Variants in DIPK1A observed in about 807,000 individuals in gnomAD.
DIPK1A encodes family with sequence similarity 69 member A.
DIPK1A carries 27 observed loss-of-function variants against 40.8 expected under a neutral mutation model. The ratio of observed to expected loss-of-function variants is 0.66; its 90% CI spans 0.49 to 0.91. The LOEUF (loss-of-function observed/expected upper bound fraction) is 0.91. Among genes scored for constraint, DIPK1A ranks in the 40% least tolerant of loss-of-function variants. The probability of loss-of-function intolerance (pLI) is 0.00; values close to 1 mark genes in which losing one functional copy is unlikely to be tolerated. For missense variants in DIPK1A, 412 were observed against 505.7 expected, an observed-to-expected ratio of 0.81 and a Z score of 1.78; for synonymous variants, 166 against 171.3, an observed-to-expected ratio of 0.97 and a Z score of 0.24.
intron 2 of DIPK1A, among the ~76,000 whole-genome samples, chr1:92,851,542 CAA>C (rs59664439): frequency 1.0e-3 from 35 of 34,780 alleles, no homozygotes; most frequent in African/African-American, 3.9e-3. Flanking sequence ...GACCCTATCT[CAA>C]AAAAAAAAAA....
intron 1 of DIPK1A, among the ~76,000 whole-genome samples, chr1:92,884,689 T>C (rs1432320114): frequency 6.6e-6 from 1 of 152,190 alleles, no homozygotes; most frequent in Non-Finnish European, 1.5e-5. Context: ...GAATCCTAAT[T>C]GGCACTTAAA....
chr1:92,851,901 T>C (rs1000619040), intron 2 of DIPK1A, among the ~76,000 whole-genome samples: 2 of 152,204 alleles, frequency 1.3e-5, no homozygotes, highest in African/African-American at 4.8e-5. Flanking sequence ...CTGTGGGAAC[T>C]TCCCAGAACT....
chr1:92,956,728 T>A (rs1651870456), intron 1 of DIPK1A, among the ~76,000 whole-genome samples: 1 of 152,192 alleles, frequency 6.6e-6, no homozygotes, highest in African/African-American at 2.4e-5. Flanking sequence ...TTTGAAAAAT[T>A]GTACTAATAC....
chr1:92,838,125 G>A (rs928456528), downstream of DIPK1A, among the ~76,000 whole-genome samples: 2 of 152,160 alleles, frequency 1.3e-5, no homozygotes, highest in Non-Finnish European at 2.9e-5. Flanking sequence ...TCCTGACCCA[G>A]GTTCTTTTTC....
chr1:92,836,111 AC>A, intron 4 of DIPK1A: 1 of 1,335,220 alleles, frequency 7.5e-7, no homozygotes, highest in South Asian at 1.2e-5. Context: ...AGTGGTCCTT[AC>A]GGTTATGACA....
intron 1 of DIPK1A, among the ~76,000 whole-genome samples, chr1:92,901,128 C>A (rs572265940): frequency 6.6e-6 from 1 of 152,146 alleles, no homozygotes; most frequent in East Asian, 1.9e-4. Context: ...CTATAGAAAT[C>A]TGTGGTTGTG....
chr1:92,871,985 T>C (rs1395973182), intron 2 of DIPK1A, among the ~76,000 whole-genome samples: 1 of 151,728 alleles, frequency 6.6e-6, no homozygotes, highest in African/African-American at 2.4e-5. Flanking sequence ...TACCCAGAAG[T>C]GGATTTACTG....
At chr1:92,853,388 A>G (rs1687881068) in intron 2 of DIPK1A, among the ~76,000 whole-genome samples, 1 of 152,228 alleles carries the variant, frequency 6.6e-6, no homozygotes, top group African/African-American at 2.4e-5. Context: ...GACTTCAAAA[A>G]TAAGTTATCC....
At position 92,961,364 on chromosome 1, in the gene DIPK1A, C is replaced by T; in HGVS notation, c.54+12G>A. 3 of 1,505,362 alleles carry T rather than the reference C, an allele frequency of 2.0e-6. No homozygotes were observed. Among genetic ancestry groups the T allele is most frequent in the Non-Finnish European group, 2.7e-6 (3 of 1,122,666 alleles). 93.3% of individuals were successfully genotyped at this position (1,505,362 alleles called of 1,614,324 possible). On this transcript the variant is annotated intron_variant, in intron 1 of 4. Coordinates refer to ENST00000370310, the MANE Select transcript of DIPK1A (RefSeq NM_001006605.5). ...GCTCCCGCAGCTGGTGGCTGGGCGG[C>T]CGCCGGCCTACCTGGAGGTAATAGG...
chr1:92,878,710 C>G (rs1325202740), intron 1 of DIPK1A, among the ~76,000 whole-genome samples: 3 of 152,114 alleles, frequency 2.0e-5, no homozygotes, highest in Non-Finnish European at 4.4e-5. Context: ...GTCCCAGCTA[C>G]TCGGGAGTCT....
chr1:92,892,607 A>G (rs1648944631), intron 1 of DIPK1A, among the ~76,000 whole-genome samples: 1 of 152,250 alleles, frequency 6.6e-6, no homozygotes, highest in South Asian at 2.1e-4. Context: ...TCCTTCTCCA[A>G]AGGAATGCAG....
intron 1 of DIPK1A, chr1:92,932,989 G>A (rs1319423827): frequency 6.6e-6 from 1 of 152,214 alleles, no homozygotes; most frequent in African/African-American, 2.4e-5. Context: ...GTACCACTCT[G>A]GTGAGGGATG....
rs80132878 is a variant in DIPK1A at position 92,900,954 on chromosome 1, G to T, written c.55-24524C>A. On this transcript the variant is annotated intron_variant, in intron 1 of 4. Transcript: ENST00000370310. ...AACTGCCTCTTGAAAACTTTCTAAA[G>T]TGGTTTTCATAGAGAAAAACTTTCA... Among the ~76,000 whole-genome samples, 931 of 151,936 alleles carry T rather than the reference G, an allele frequency of 6.1e-3. 8 individuals are homozygous for T. The highest frequency in any genetic ancestry group is 0.02 in the African/African-American group (831 of 41,424).
At chr1:92,922,783 C>A (rs573469911) in intron 1 of DIPK1A, among the ~76,000 whole-genome samples, 1 of 152,170 alleles carries the variant, frequency 6.6e-6, no homozygotes, top group East Asian at 1.9e-4. Context: ...CTGTAACCTT[C>A]GAGAATGAAA....
At chr1:92,950,943 CT>C (rs966642429) in intron 1 of DIPK1A, among the ~76,000 whole-genome samples, 1 of 152,118 alleles carries the variant, frequency 6.6e-6, no homozygotes, top group South Asian at 2.1e-4. Flanking sequence ...GAAATAATTA[CT>C]TTTTTTTACT....
At chr1:92,961,005 G>A (rs928441166) in intron 1 of DIPK1A, among the ~76,000 whole-genome samples, 2 of 152,232 alleles carry the variant, frequency 1.3e-5, no homozygotes, top group Non-Finnish European at 2.9e-5. Flanking sequence ...AAAACACCAG[G>A]GAGAAGGCGG....
intron 1 of DIPK1A, among the ~76,000 whole-genome samples, chr1:92,898,757 A>G (rs1263526323): frequency 1.3e-5 from 2 of 151,920 alleles, no homozygotes; most frequent in Admixed American, 1.3e-4. Context: ...TGCTGGGATT[A>G]CAGGTATGAG....
At chr1:92,952,357 C>T (rs910556147) in intron 1 of DIPK1A, among the ~76,000 whole-genome samples, 5 of 152,188 alleles carry the variant, frequency 3.3e-5, no homozygotes, top group Non-Finnish European at 2.9e-5. Flanking sequence ...TAGTGGCTCA[C>T]GCCTGTAATG....
At chr1:92,866,303 T>C (rs1647540769) in intron 2 of DIPK1A, among the ~76,000 whole-genome samples, 1 of 152,206 alleles carries the variant, frequency 6.6e-6, no homozygotes, top group Non-Finnish European at 1.5e-5. Context: ...GTTTTCACCA[T>C]GTTGGCCAGG....
Sources: allele counts gnomAD v4.1 joint callset (sites outside exome capture counted in the v4.1 genomes callset), GRCh38; gene constraint gnomAD v4.1.1; transcripts MANE v1.5; gene names NCBI Gene and HGNC (gene_info 2026-07-23, HGNC 2026-07-21).